CSRP3: variants seen among roughly 807,000 people sequenced by gnomAD.
CSRP3 encodes cysteine and glycine rich protein 3.
In CSRP3, 24 loss-of-function variants were observed where a neutral mutation model predicts 24.3. The ratio of observed to expected loss-of-function variants is 0.99; its 90% CI spans 0.71 to 1.39. The LOEUF (loss-of-function observed/expected upper bound fraction) is 1.39, where lower values mean the gene tolerates loss of function less well. Ranked by LOEUF, CSRP3 falls within the 40% of genes most tolerant of loss-of-function variation. CSRP3 has a pLI of 0.00. For missense variants in CSRP3, 240 were observed against 249.0 expected, an observed-to-expected ratio of 0.96 and a Z score of 0.24; for synonymous variants, 105 against 94.0, an observed-to-expected ratio of 1.12 and a Z score of -0.68.
In CSRP3 at chr11:19,197,393, CCTTCCTTCCTT is replaced by C. The variant is rs1850742916; in HGVS notation, c.-29+4550_-29+4560del. ...CCCTCCCTCCCTCCCTCCCTCCCTT[CCTTCCTTCCTT>C]CCTTCCTTCCTTCCTTCCTTCCTTC... On this transcript the variant is annotated intron_variant, in intron 1 of 5. Transcript: ENST00000265968. 2.9e-4 allele frequency among the ~76,000 whole-genome samples: 2 copies of C among 6,868 alleles called. 1 individual carries two copies. The highest frequency in any genetic ancestry group is 4.0e-3 in the Admixed American group (2 of 502). The allele number at this position is 6,868 out of a possible 152,430, so 4.5% of individuals were successfully genotyped here.
intron 1 of CSRP3, among the ~76,000 whole-genome samples, 160 bp downstream of exon 1, chr11:19,201,794 A>G (rs566010544): frequency 6.6e-6 from 1 of 152,328 alleles, no homozygotes; most frequent in East Asian, 1.9e-4. Flanking sequence ...CTAGATCCAC[A>G]CCAGAGTCAA....
At chr11:19,185,917 T>C (rs1850517706) in intron 4 of CSRP3, among the ~76,000 whole-genome samples, 1 of 152,126 alleles carries the variant, frequency 6.6e-6, no homozygotes, top group South Asian at 2.1e-4. Context: ...GGGGGGATTG[T>C]GGACACTGGA....
chr11:19,196,202 G>A (rs1314578689), intron 1 of CSRP3, among the ~76,000 whole-genome samples: 1 of 152,186 alleles, frequency 6.6e-6, no homozygotes, highest in Non-Finnish European at 1.5e-5. Flanking sequence ...GGTGGAAGTT[G>A]CAGTGAGCTG....
At position 19,186,275 on chromosome 11, in the gene CSRP3, T is replaced by G; in HGVS notation, c.355A>C (p.Lys119Gln). The change falls in exon 4 of 6, where the codon AAG (lysine) becomes CAG (glutamine). Residue 119 changes from lysine (K) to glutamine (Q), a missense_variant. Physicochemically the swap from Lys to Gln is moderately conservative, Grantham distance 53. Coordinates refer to ENST00000265968, the MANE Select transcript of CSRP3 (RefSeq NM_003476.5). ...ACTGACTTGCCACATCGAGGGCACTTCTCGGACTCTCCAAACTTCGCAGTG... is the reference window on the plus strand; with the variant it reads ...ACTGACTTGCCACATCGAGGGCACTGCTCGGACTCTCCAAACTTCGCAGTG... ...KFTAKFGESEKCPRCGKSVYA... is the reference protein window; with the variant it reads ...KFTAKFGESEQCPRCGKSVYA... 1 of 1,614,200 alleles carries G rather than the reference T, an allele frequency of 6.2e-7. No individual in the cohort carries two copies. Among genetic ancestry groups the G allele is most frequent in the Non-Finnish European group, 8.5e-7 (1 of 1,180,028 alleles).
At chr11:19,188,639 TG>T (rs1159285980) in intron 2 of CSRP3, among the ~76,000 whole-genome samples, 1 of 151,006 alleles carries the variant, frequency 6.6e-6, no homozygotes, top group African/African-American at 2.5e-5. Context: ...TGTGTGTGTG[TG>T]TGTGTGTGTG....
At chr11:19,198,361 A>G (rs35236689) in intron 1 of CSRP3, among the ~76,000 whole-genome samples, 5,593 of 152,308 alleles carry the variant, frequency 0.037, 131 homozygotes, top group Admixed American at 0.056. Flanking sequence ...GACGTGACCA[A>G]TCCATTGTCT....
intron 5 of CSRP3, among the ~76,000 whole-genome samples, chr11:19,183,141 G>A (rs957952840): frequency 2.6e-4 from 38 of 143,638 alleles, no homozygotes; most frequent in African/African-American, 9.2e-4. Context: ...TTGGATGACA[G>A]AGCAAGACTC....
In CSRP3 at chr11:19,188,177, G is replaced by A. The variant is rs771444930; in HGVS notation, c.240C>T (p.Leu80=). 1 of 1,613,956 alleles carries A rather than the reference G, an allele frequency of 6.2e-7. No homozygotes were observed. The highest frequency in any genetic ancestry group is 1.3e-5 in the African/African-American group (1 of 74,920). The change falls in exon 3 of 6, where the codon CTC becomes CTT. Residue 80 remains leucine, a synonymous_variant. Transcript: ENST00000265968. ...CGAGATGCTCGCCCGTGTCTGTGCTGAGACAGCCAGCGCCTTGTCCATACC... is the reference window on the plus strand; with the variant it reads ...CGAGATGCTCGCCCGTGTCTGTGCTAAGACAGCCAGCGCCTTGTCCATACC... ...GIGYGQGAGC[L]STDTGEHLGL... is the part of the protein sequence containing the mutation.
intron 1 of CSRP3, among the ~76,000 whole-genome samples, chr11:19,199,434 G>A (rs1032031267): frequency 2.6e-5 from 4 of 152,128 alleles, no homozygotes; most frequent in African/African-American, 9.7e-5. Flanking sequence ...TAGAACATGG[G>A]CATCTTACAC....
chr11:19,199,127 CG>C (rs1308596922), intron 1 of CSRP3, among the ~76,000 whole-genome samples: 4 of 151,892 alleles, frequency 2.6e-5, no homozygotes, highest in African/African-American at 9.7e-5. Context: ...GTGCCCAGGT[CG>C]GGGTGAGAGT....
chr11:19,199,328 A>C (rs918199252), intron 1 of CSRP3, among the ~76,000 whole-genome samples: 1 of 152,042 alleles, frequency 6.6e-6, no homozygotes, highest in Non-Finnish European at 1.5e-5. Context: ...CCCAGGAAGA[A>C]CAGGTTGCTC....
Position 19,183,337 on chromosome 11 carries a change from G to A in CSRP3, c.509-591C>T, listed in dbSNP as rs757676428. On this transcript the variant is annotated intron_variant, in intron 5 of 5. Transcript: ENST00000265968. ...CCAACCTCGTCCCCTGTTGCCTCCCGCCTCTGCCTCCCTTCCTACATTCCA... is the reference window on the plus strand; with the variant it reads ...CCAACCTCGTCCCCTGTTGCCTCCCACCTCTGCCTCCCTTCCTACATTCCA... 3.3e-4 allele frequency among the ~76,000 whole-genome samples: 50 copies of A among 152,068 alleles called. No homozygotes were observed. The Middle Eastern group carries it at 0.017, about 52-fold the overall frequency.
intron 1 of CSRP3, 141 bp downstream of exon 1, chr11:19,201,813 T>G (rs1342936749): frequency 2.0e-5 from 3 of 152,212 alleles, no homozygotes; most frequent in African/African-American, 7.2e-5. Flanking sequence ...AAGTACAACT[T>G]GAGCCTCCTT....
chr11:19,197,732 G>C (rs1850765624), intron 1 of CSRP3, among the ~76,000 whole-genome samples: 1 of 151,616 alleles, frequency 6.6e-6, no homozygotes, highest in African/African-American at 2.4e-5. Context: ...CTCAGTGCTA[G>C]CTCAGTTGGT....
chr11:19,199,892 A>G (rs1039668336), intron 1 of CSRP3, among the ~76,000 whole-genome samples: 1 of 152,154 alleles, frequency 6.6e-6, no homozygotes, highest in Admixed American at 6.5e-5. Context: ...AACCCTCTAT[A>G]CAGTATTTAT....
chr11:19,199,391 C>G (rs1850798737), intron 1 of CSRP3, among the ~76,000 whole-genome samples: 4 of 152,212 alleles, frequency 2.6e-5, no homozygotes, highest in African/African-American at 9.6e-5. Context: ...CTTTTAAACT[C>G]AGACATGGTA....
At chr11:19,191,190 A>G (rs11601876) in intron 2 of CSRP3, among the ~76,000 whole-genome samples, 76 of 152,238 alleles carry the variant, frequency 5.0e-4, no homozygotes, top group Non-Finnish European at 9.4e-4. Flanking sequence ...CAGTGAGTAC[A>G]TGGCAGAGCC....
In CSRP3 at chr11:19,192,423, T is replaced by G. The variant is rs1352827887; in HGVS notation, c.26A>C (p.Lys9Thr). Residue 9 changes from lysine (K) to threonine (T), a missense_variant, in exon 2 of 6, where the codon AAA (lysine) becomes ACA (threonine). Coordinates refer to ENST00000265968, the MANE Select transcript of CSRP3 (RefSeq NM_003476.5). Reference sequence around the variant, plus strand: ...GACGGTCTTTTCACAGGCTCCACATTTTGCGCCTCCGCCCCAGTTTGGCAT... The same window carrying G: ...GACGGTCTTTTCACAGGCTCCACATGTTGCGCCTCCGCCCCAGTTTGGCAT... Reference protein sequence around the residue: MPNWGGGAKCGACEKTVYH... With the variant: MPNWGGGATCGACEKTVYH... The G allele has an allele frequency of 5.0e-6, 8 of 1,614,164 alleles. No homozygotes were observed. Among genetic ancestry groups the G allele is most frequent in the Non-Finnish European group, 6.8e-6 (8 of 1,180,022 alleles).
intron 1 of CSRP3, among the ~76,000 whole-genome samples, chr11:19,196,585 C>A (rs984347621): frequency 1.3e-5 from 2 of 152,208 alleles, no homozygotes; most frequent in African/African-American, 4.8e-5. Flanking sequence ...CCCCTAGACA[C>A]TCCCAGAATG....
Sources: allele counts gnomAD v4.1 joint callset (sites outside exome capture counted in the v4.1 genomes callset), GRCh38; gene constraint gnomAD v4.1.1; transcripts MANE v1.5; gene names NCBI Gene and HGNC (gene_info 2026-07-23, HGNC 2026-07-21).